TIA1: variants seen among roughly 807,000 people sequenced by gnomAD.
TIA1 encodes the protein TIA1 cytotoxic granule associated RNA binding protein, also known as cytotoxic granule associated RNA binding protein TIA1.
TIA1 carries 23 observed loss-of-function variants against 65.9 expected under a neutral mutation model. The observed-to-expected ratio is 0.35, with a 90% CI of 0.25 to 0.49. The LOEUF is 0.49. TIA1 is among the 20% of genes least tolerant of loss of function. TIA1 has a pLI of 0.98. For synonymous variants in TIA1, 147 were observed against 149.4 expected, an observed-to-expected ratio of 0.98 and a Z score of 0.12; for missense variants, 371 against 477.9, an observed-to-expected ratio of 0.78 and a Z score of 2.09.
chr2:70,232,791 C>T (rs1007204703), intron 2 of TIA1, among the ~76,000 whole-genome samples: 2 of 151,780 alleles, frequency 1.3e-5, no homozygotes, highest in Non-Finnish European at 2.9e-5. Flanking sequence ...TTCGCTTGAA[C>T]TCAGGAGGGG....
chr2:70,243,140 G>C (rs914472397), intron 1 of TIA1, among the ~76,000 whole-genome samples: 3 of 152,336 alleles, frequency 2.0e-5, no homozygotes, highest in African/African-American at 7.2e-5. Context: ...TGAAGAAACT[G>C]TGTAAACACC....
At chr2:70,231,423 T>C (rs1221666433) in intron 2 of TIA1, among the ~76,000 whole-genome samples, 2 of 151,564 alleles carry the variant, frequency 1.3e-5, no homozygotes, top group Non-Finnish European at 2.9e-5. Context: ...CACAGCAAGA[T>C]CCTGTCTCTA....
In TIA1 at chr2:70,209,574, A is replaced by G. The variant is rs1048605694; in HGVS notation, c.*3145T>C. 2 of 398,238 alleles carry G rather than the reference A, an allele frequency of 5.0e-6. No homozygotes were observed. Among genetic ancestry groups the G allele is most frequent in the Admixed American group, 8.8e-5 (2 of 22,710 alleles). 24.7% of individuals were successfully genotyped at this position (398,238 alleles called of 1,614,324 possible). On this transcript the variant is annotated 3_prime_UTR_variant, in exon 13 of 13. Coordinates refer to ENST00000433529, the MANE Select transcript of TIA1 (RefSeq NM_022173.4). ...GTAATGAAATGTAATAACCTCCTAT[A>G]AAGAAACGATTGGGGACTATCATTT... is the stretch of plus-strand genomic sequence containing the variant.
intron 7 of TIA1, 166 bp from the exon 8 acceptor site, chr2:70,217,160 T>C (rs1678961326): frequency 2.0e-6 from 1 of 506,800 alleles, no homozygotes; most frequent in African/African-American, 2.0e-5. Flanking sequence ...GTGCTTTTTA[T>C]ATTTTTAAAT....
chr2:70,222,540 G>C (rs527458346), intron 7 of TIA1, among the ~76,000 whole-genome samples: 5 of 152,264 alleles, frequency 3.3e-5, no homozygotes, highest in Admixed American at 6.5e-5. Context: ...GTAGCACTGC[G>C]TAACAGAGCC....
chr2:70,248,746 G>C (rs1695662752), upstream of TIA1: 3 of 399,320 alleles, frequency 7.5e-6, no homozygotes, highest in Admixed American at 4.2e-5. Flanking sequence ...TTCACTTGTT[G>C]CGCAGCCGCT....
rs534717716 is a variant in TIA1 at position 70,221,080 on chromosome 2, C to T, written c.474+3474G>A. On this transcript the variant is annotated intron_variant, in intron 7 of 12. Transcript: ENST00000433529. The stretch of plus-strand genomic sequence containing the variant: ...GGAGTGCAGTGGCATAATCTCAGCT[C>T]ACTGCAACCTTTGCCTCCCAGGTTC... Among the ~76,000 whole-genome samples the T allele has an allele frequency of 6.0e-4, 92 of 152,220 alleles. No homozygotes were observed. In the South Asian group the frequency reaches 0.018, roughly 31 times the overall value.
At position 70,211,569 on chromosome 2, in the gene TIA1, G is replaced by A. The variant is rs1278466186; in HGVS notation, c.*1150C>T. ...CACAGCTATCATTTGTACATATTAA[G>A]TTGATTCACTCTTTTTGAGCAAATC... is the stretch of plus-strand genomic sequence containing the variant. On this transcript the variant is annotated 3_prime_UTR_variant, in exon 13 of 13. Coordinates refer to ENST00000433529, the MANE Select transcript of TIA1 (RefSeq NM_022173.4). 6.6e-6 allele frequency: 1 copy of A among 152,336 alleles called. No homozygotes were observed. The highest frequency in any genetic ancestry group is 1.5e-5 in the Non-Finnish European group (1 of 68,026). The allele number at this position is 152,336 out of a possible 1,614,324, so 9.4% of individuals were successfully genotyped here.
chr2:70,239,500 T>G (rs1195075271), intron 1 of TIA1, among the ~76,000 whole-genome samples: 2 of 152,168 alleles, frequency 1.3e-5, no homozygotes, highest in Admixed American at 6.6e-5. Flanking sequence ...GAATGCAGTC[T>G]CCCCAGAATG....
At chr2:70,244,727 C>T (rs1000201030) in intron 1 of TIA1, among the ~76,000 whole-genome samples, 13 of 151,054 alleles carry the variant, frequency 8.6e-5, no homozygotes, top group Non-Finnish European at 5.9e-5. Context: ...CCCAGCTACT[C>T]CGGAGGCTGA....
At chr2:70,239,915 A>G (rs886188390) in intron 1 of TIA1, among the ~76,000 whole-genome samples, 1 of 152,226 alleles carries the variant, frequency 6.6e-6, no homozygotes, top group African/African-American at 2.4e-5. Flanking sequence ...TAATAGCTCT[A>G]GTTTAGAAAA....
chr2:70,234,226 T>G (rs1315793824), intron 2 of TIA1, among the ~76,000 whole-genome samples: 1 of 152,220 alleles, frequency 6.6e-6, no homozygotes, highest in Non-Finnish European at 1.5e-5. Flanking sequence ...AACACCTTCT[T>G]TATGTTTCTA....
chr2:70,211,559 T>C lies in TIA1; in HGVS notation c.*1160A>G, dbSNP rs1246290700. 1 of 152,440 alleles carries C rather than the reference T, an allele frequency of 6.6e-6. No homozygotes were observed. The allele number at this position is 152,440 out of a possible 1,614,324, so 9.4% of individuals were successfully genotyped here. On this transcript the variant is annotated 3_prime_UTR_variant, in exon 13 of 13. Coordinates refer to ENST00000433529, the MANE Select transcript of TIA1 (RefSeq NM_022173.4). ...TCTACAGTTTCACAGCTATCATTTGTACATATTAAGTTGATTCACTCTTTT... is the reference window on the plus strand; with the variant it reads ...TCTACAGTTTCACAGCTATCATTTGCACATATTAAGTTGATTCACTCTTTT...
intron 2 of TIA1, among the ~76,000 whole-genome samples, chr2:70,231,969 G>A (rs775790120): frequency 1.3e-5 from 2 of 151,502 alleles, no homozygotes; most frequent in Non-Finnish European, 2.9e-5. Flanking sequence ...TCGAGAGGCC[G>A]AGGCAGGCGG....
chr2:70,246,082 C>T (rs187752904), intron 1 of TIA1, among the ~76,000 whole-genome samples: 18 of 152,236 alleles, frequency 1.2e-4, no homozygotes, highest in South Asian at 6.2e-4. Context: ...CGCCACCATG[C>T]TCAGTTAATT....
chr2:70,210,685 G>A lies in TIA1; in HGVS notation c.*2034C>T, dbSNP rs1289233040. 2.6e-5 allele frequency: 4 copies of A among 151,964 alleles called. No individual in the cohort carries two copies. 9.4% of individuals were successfully genotyped at this position (151,964 alleles called of 1,614,324 possible). A position where few individuals can be genotyped will look rare whatever the true frequency, so the allele number is the denominator to read the frequency against. On this transcript the variant is annotated 3_prime_UTR_variant, in exon 13 of 13. Coordinates refer to ENST00000433529, the MANE Select transcript of TIA1 (RefSeq NM_022173.4). The stretch of plus-strand genomic sequence containing the variant: ...CAGGAAATAATTTTTTTTAATAAGA[G>A]AACAATGAGGGTCCTAAAGTAGAAA...
intron 2 of TIA1, among the ~76,000 whole-genome samples, chr2:70,234,789 T>C (rs1688041006): frequency 6.6e-6 from 1 of 152,074 alleles, no homozygotes; most frequent in African/African-American, 2.4e-5. Flanking sequence ...CTCGAACTCC[T>C]GACCTCATGA....
At chr2:70,225,835 G>C (rs1281681793) in intron 6 of TIA1, among the ~76,000 whole-genome samples, 2 of 152,106 alleles carry the variant, frequency 1.3e-5, no homozygotes, top group East Asian at 3.8e-4. Context: ...CTAAACTCAA[G>C]GAATAGGAAG....
intron 1 of TIA1, among the ~76,000 whole-genome samples, chr2:70,238,906 A>T (rs929600974): frequency 6.6e-6 from 1 of 151,988 alleles, no homozygotes; most frequent in Non-Finnish European, 1.5e-5. Context: ...AAAAATAAAG[A>T]TAAAAAATTA....
Sources: allele counts gnomAD v4.1 joint callset (sites outside exome capture counted in the v4.1 genomes callset), GRCh38; gene constraint gnomAD v4.1.1; transcripts MANE v1.5; gene names NCBI Gene and HGNC (gene_info 2026-07-23, HGNC 2026-07-21).